Variants in C15orf61 observed in about 807,000 individuals in gnomAD.
C15orf61 encodes the protein chromosome 15 open reading frame 61.
In C15orf61, 12 loss-of-function variants were observed where a neutral mutation model predicts 13.7. That is an observed-to-expected ratio of 0.88 (90% CI 0.56 to 1.42). The LOEUF (loss-of-function observed/expected upper bound fraction) is 1.42, where lower values mean the gene tolerates loss of function less well. Among genes scored for constraint, C15orf61 ranks in the 40% most tolerant of loss-of-function variants. C15orf61 has a pLI of 0.00. For synonymous variants in C15orf61, 92 were observed against 94.1 expected, an observed-to-expected ratio of 0.98 and a Z score of 0.13; for missense variants, 248 against 213.2, an observed-to-expected ratio of 1.16 and a Z score of -1.02.
At chr15:67,522,321 A>G in intron 1 of C15orf61, 1 of 679,734 alleles carries the variant, frequency 1.5e-6, no homozygotes, top group Non-Finnish European at 2.6e-6. Context: ...ACTTACTAAT[A>G]GCTGGCATAA....
chr15:67,522,623 T>C (rs1180887844), intron 1 of C15orf61, among the ~76,000 whole-genome samples: 1 of 152,250 alleles, frequency 6.6e-6, no homozygotes, highest in Non-Finnish European at 1.5e-5. Flanking sequence ...ATTATTTGGC[T>C]GATGGACTGT....
chr15:67,526,622 A>AAT lies in C15orf61; in HGVS notation c.*79_*80dup. The stretch of plus-strand genomic sequence containing the variant: ...GCAGTATTTATTTTTGATCCTTTAA[A>AAT]ATAAAACTTTTGCAAATACTTTTTT... On this transcript the variant is annotated 3_prime_UTR_variant, in exon 2 of 2. Transcript: ENST00000342683. The AAT allele has an allele frequency of 2.3e-6, 3 of 1,323,464 alleles. No individual in the cohort carries two copies. Among genetic ancestry groups the AAT allele is most frequent in the Non-Finnish European group, 3.0e-6 (3 of 1,011,418 alleles). 82.0% of individuals were successfully genotyped at this position (1,323,464 alleles called of 1,614,324 possible). A position where few individuals can be genotyped will look rare whatever the true frequency, so the allele number is the denominator to read the frequency against.
In C15orf61 at chr15:67,526,343, A is replaced by G. The variant is rs1009231498; in HGVS notation, c.347-75A>G. ...ACATTGTAATTTGTTAACATTGCTG[A>G]AGAGTGTTATACGTGATCAGTAACT... On this transcript the variant is annotated intron_variant, in intron 1 of 1. Coordinates refer to ENST00000342683, the MANE Select transcript of C15orf61 (RefSeq NM_001143936.2). 16 of 865,526 alleles carry G rather than the reference A, an allele frequency of 1.8e-5. No individual in the cohort carries two copies. The African/African-American group carries it at 2.6e-4, about 14-fold the overall frequency. 53.6% of individuals were successfully genotyped at this position (865,526 alleles called of 1,614,324 possible).
Position 67,521,229 on chromosome 15 carries a change from C to G in C15orf61, c.-20C>G, listed in dbSNP as rs2084156648. On this transcript the variant is annotated 5_prime_UTR_variant, in exon 1 of 2. Coordinates refer to ENST00000342683, the MANE Select transcript of C15orf61 (RefSeq NM_001143936.2). ...GCCAGCGGCTGCGGACACCAGCCTG[C>G]GTCCCCGGCGCGGCGGGCCATGGAG... is the stretch of plus-strand genomic sequence containing the variant. 3.3e-6 allele frequency: 4 copies of G among 1,212,978 alleles called. No homozygotes were observed. The highest frequency in any genetic ancestry group is 4.1e-6 in the Non-Finnish European group (4 of 971,496). 75.1% of individuals were successfully genotyped at this position (1,212,978 alleles called of 1,614,324 possible).
Position 67,527,114 on chromosome 15 carries a change from T to C in C15orf61, c.*569T>C, listed in dbSNP as rs1310504292. 4 of 152,222 alleles carry C rather than the reference T, an allele frequency of 2.6e-5. No homozygotes were observed. In the East Asian group the frequency reaches 7.7e-4, roughly 29 times the overall value. 9.4% of individuals were successfully genotyped at this position (152,222 alleles called of 1,614,324 possible). A position where few individuals can be genotyped will look rare whatever the true frequency, so the allele number is the denominator to read the frequency against. ...GTTGGAGTGTAATGTTGAAACTTCT[T>C]GTTGCTTAAAGAGTCCAAAACCATA... On this transcript the variant is annotated 3_prime_UTR_variant, in exon 2 of 2. Coordinates refer to ENST00000342683, the MANE Select transcript of C15orf61 (RefSeq NM_001143936.2).
In C15orf61 at chr15:67,521,292, T is replaced by C; in HGVS notation, c.44T>C (p.Leu15Pro). 6.7e-7 allele frequency: 1 copy of C among 1,492,508 alleles called. No homozygotes were observed. Among genetic ancestry groups the C allele is most frequent in the Non-Finnish European group, 8.9e-7 (1 of 1,125,024 alleles). The allele number at this position is 1,492,508 out of a possible 1,614,324, so 92.5% of individuals were successfully genotyped here. ...GCCCACGAGGTCGCGCTCCGCCTGC[T>C]GCTGTGTAGGCCGTGGGCCTCGCGC... ...RRAHEVALRL[L>P]LCRPWASRAA... Residue 15 changes from leucine to proline, a missense_variant, in exon 1 of 2, where the codon CTG becomes CCG. Physicochemically the swap from Leu to Pro is moderately conservative, Grantham distance 98. Transcript: ENST00000342683.
rs1416632389 is a variant in C15orf61 at position 67,526,706 on chromosome 15, T to A, written c.*161T>A. On this transcript the variant is annotated 3_prime_UTR_variant, in exon 2 of 2. Transcript: ENST00000342683. ...ATTGCCCTCAAGAGGTGAAGCTTTTTATACATCGTTATATATTACATACTC... is the reference window on the plus strand; with the variant it reads ...ATTGCCCTCAAGAGGTGAAGCTTTTAATACATCGTTATATATTACATACTC... The A allele has an allele frequency of 1.7e-6, 1 of 602,576 alleles. No individual in the cohort carries two copies. Among genetic ancestry groups the A allele is most frequent in the Admixed American group, 3.8e-5 (1 of 26,402 alleles). The allele number at this position is 602,576 out of a possible 1,614,324, so 37.3% of individuals were successfully genotyped here.
At position 67,526,658 on chromosome 15, in the gene C15orf61, T is replaced by G; in HGVS notation, c.*113T>G. On this transcript the variant is annotated 3_prime_UTR_variant, in exon 2 of 2. Coordinates refer to ENST00000342683, the MANE Select transcript of C15orf61 (RefSeq NM_001143936.2). ...TGCAAATACTTTTTTCTTTCTACAGTATCTGCTTCTTTAAGATGAATCATT... is the reference window on the plus strand; with the variant it reads ...TGCAAATACTTTTTTCTTTCTACAGGATCTGCTTCTTTAAGATGAATCATT... 9.3e-7 allele frequency: 1 copy of G among 1,075,778 alleles called. No individual in the cohort carries two copies. The highest frequency in any genetic ancestry group is 1.3e-6 in the Non-Finnish European group (1 of 799,932). 66.6% of individuals were successfully genotyped at this position (1,075,778 alleles called of 1,614,324 possible).
Position 67,528,818 on chromosome 15 carries a change from GA to G in C15orf61, c.*2277del, listed in dbSNP as rs1266058694. 6.6e-6 allele frequency: 1 copy of G among 152,124 alleles called. No individual in the cohort carries two copies. Among genetic ancestry groups the G allele is most frequent in the Non-Finnish European group, 1.5e-5 (1 of 68,018 alleles). The allele number at this position is 152,124 out of a possible 1,614,324, so 9.4% of individuals were successfully genotyped here. The stretch of plus-strand genomic sequence containing the variant: ...AACGAAACAAGAGACATTTCTACCC[GA>G]AAATGTACATCAATTTTACTTTTGT... On this transcript the variant is annotated 3_prime_UTR_variant, in exon 2 of 2. Coordinates refer to ENST00000342683, the MANE Select transcript of C15orf61 (RefSeq NM_001143936.2).
At position 67,525,214 on chromosome 15, in the gene C15orf61, C is replaced by A. The variant is rs1164943106; in HGVS notation, c.347-1204C>A. ...TAAAGTGTCACTTTCTGCCCATTTC[C>A]CACATAAGAGCATAAAATTAATGCT... On this transcript the variant is annotated intron_variant, in intron 1 of 1. Coordinates refer to ENST00000342683, the MANE Select transcript of C15orf61 (RefSeq NM_001143936.2). This position sits in a 1 kb window ranked among gnomAD's most constrained non-coding sequence, Gnocchi z 4.9. 6.6e-6 allele frequency among the ~76,000 whole-genome samples: 1 copy of A among 152,142 alleles called. No individual in the cohort carries two copies. Among genetic ancestry groups the A allele is most frequent in the Non-Finnish European group, 1.5e-5 (1 of 68,034 alleles).
chr15:67,528,996 G>T lies in C15orf61; in HGVS notation c.*2451G>T, dbSNP rs1031018396. The T allele has an allele frequency of 2.0e-5, 3 of 152,150 alleles. No individual in the cohort carries two copies. The East Asian group carries it at 5.8e-4, about 29-fold the overall frequency. 9.4% of individuals were successfully genotyped at this position (152,150 alleles called of 1,614,324 possible). A position where few individuals can be genotyped will look rare whatever the true frequency, so the allele number is the denominator to read the frequency against. The stretch of plus-strand genomic sequence containing the variant: ...GCCCACTAACCCTGAAGTGGCATGT[G>T]GGGAGCTGAAGAGGCCCTTCTCTTC... On this transcript the variant is annotated 3_prime_UTR_variant, in exon 2 of 2. Coordinates refer to ENST00000342683, the MANE Select transcript of C15orf61 (RefSeq NM_001143936.2).
intron 1 of C15orf61, among the ~76,000 whole-genome samples, chr15:67,524,837 G>GTTTTTTTT (rs374398669): frequency 2.4e-5 from 3 of 122,788 alleles, no homozygotes; most frequent in Admixed American, 8.9e-5. Flanking sequence ...TTTTTTGTTT[G>GTTTTTTTT]TTTTTTTTTT....
intron 1 of C15orf61, chr15:67,522,093 G>A (rs1249649868): frequency 4.3e-6 from 3 of 701,706 alleles, no homozygotes; most frequent in Admixed American, 2.0e-5. Flanking sequence ...AGCACCAAAG[G>A]TTTTCACCAG....
chr15:67,523,281 A>T (rs1360671210), intron 1 of C15orf61, among the ~76,000 whole-genome samples: 1 of 152,122 alleles, frequency 6.6e-6, no homozygotes, highest in African/African-American at 2.4e-5. Flanking sequence ...GGTAGAGGGG[A>T]TGTGAATTAG....
rs1441473233 is a variant in C15orf61, at chr15:67,525,318, A to G, written c.347-1100A>G. ...ATATGTTTTTAATATGTTAGTAGTC[A>G]TTAATTTTAAATAAGTACCTTTAAA... On this transcript the variant is annotated intron_variant, in intron 1 of 1. Coordinates refer to ENST00000342683, the MANE Select transcript of C15orf61 (RefSeq NM_001143936.2). The surrounding 1 kb of genome is among the most constrained non-coding windows in gnomAD (Gnocchi z 4.9). Among the ~76,000 whole-genome samples the G allele has an allele frequency of 6.6e-6, 1 of 152,244 alleles. No individual in the cohort carries two copies. Among genetic ancestry groups the G allele is most frequent in the Non-Finnish European group, 1.5e-5 (1 of 68,038 alleles).
chr15:67,521,913 A>G (rs1196846177), intron 1 of C15orf61: 2 of 670,084 alleles, frequency 3.0e-6, no homozygotes, highest in Non-Finnish European at 5.4e-6. Context: ...GGCGTCAGGA[A>G]ACGCCCCCTA....
rs936631531 is a variant in C15orf61, at chr15:67,526,686, C to T, written c.*141C>T. On this transcript the variant is annotated 3_prime_UTR_variant, in exon 2 of 2. Coordinates refer to ENST00000342683, the MANE Select transcript of C15orf61 (RefSeq NM_001143936.2). ...CTGCTTCTTTAAGATGAATCATTGC[C>T]CTCAAGAGGTGAAGCTTTTTATACA... The T allele has an allele frequency of 1.2e-6, 1 of 820,118 alleles. No homozygotes were observed. 50.8% of individuals were successfully genotyped at this position (820,118 alleles called of 1,614,324 possible).
At position 67,521,439 on chromosome 15, in the gene C15orf61, G is replaced by C. The variant is rs2084160329; in HGVS notation, c.191G>C (p.Gly64Ala). The C allele has an allele frequency of 1.3e-6, 2 of 1,547,178 alleles. No individual in the cohort carries two copies. Among genetic ancestry groups the C allele is most frequent in the Non-Finnish European group, 1.7e-6 (2 of 1,146,798 alleles). ...PYSAVRNDQFGLSHFNWPVQG... is the reference protein window; with the variant it reads ...PYSAVRNDQFALSHFNWPVQG... ...AGCGCCGTCCGCAACGACCAGTTCG[G>C]CCTCTCGCACTTCAACTGGCCGGTG... The change falls in exon 1 of 2, where the codon GGC becomes GCC. Residue 64 changes from glycine to alanine, a missense_variant. Coordinates refer to ENST00000342683, the MANE Select transcript of C15orf61 (RefSeq NM_001143936.2).
intron 1 of C15orf61, among the ~76,000 whole-genome samples, chr15:67,523,589 T>C (rs2084181755): frequency 1.3e-5 from 2 of 152,184 alleles, no homozygotes; most frequent in South Asian, 2.1e-4. Context: ...ACTGAGGAAT[T>C]CTAATTTTTT....
Sources: allele counts gnomAD v4.1 joint callset (sites outside exome capture counted in the v4.1 genomes callset), GRCh38; gene constraint gnomAD v4.1.1; non-coding constraint Gnocchi (gnomAD v3.1); transcripts MANE v1.5; gene names NCBI Gene and HGNC (gene_info 2026-07-23, HGNC 2026-07-21).